Variants in TMEM120B observed in about 807,000 individuals in gnomAD.
TMEM120B encodes the protein transmembrane protein 120B.
A neutral mutation model predicts 55.5 loss-of-function variants in TMEM120B; 31 were observed. The ratio of observed to expected loss-of-function variants is 0.56; its 90% CI spans 0.42 to 0.75. The LOEUF (loss-of-function observed/expected upper bound fraction) is 0.75, where lower values mean the gene tolerates loss of function less well. Ranked by LOEUF, TMEM120B falls within the 30% of genes least tolerant of loss-of-function variation. The pLI, the probability that TMEM120B is intolerant of heterozygous loss-of-function variation, is 0.00. For synonymous variants in TMEM120B, 203 were observed against 176.3 expected, an observed-to-expected ratio of 1.15 and a Z score of -1.20; for missense variants, 399 against 425.5, an observed-to-expected ratio of 0.94 and a Z score of 0.55.
intron 6 of TMEM120B, among the ~76,000 whole-genome samples, chr12:121,770,417 T>C (rs1431862699): frequency 1.3e-5 from 2 of 152,088 alleles, no homozygotes; most frequent in African/African-American, 2.4e-5. Flanking sequence ...TCTAAGGTGC[T>C]GGGGGGCTCA....
At position 121,781,230 on chromosome 12, in the gene TMEM120B, C is replaced by T; in HGVS notation, c.*5508C>T. ...AGCAGCGGGGGTCAGGGGACGTCCCCTCCCTGTCTGGACTCTGACGGGTGA... is the reference window on the plus strand; with the variant it reads ...AGCAGCGGGGGTCAGGGGACGTCCCTTCCCTGTCTGGACTCTGACGGGTGA... On this transcript the variant is annotated 3_prime_UTR_variant, in exon 12 of 12. Transcript: ENST00000449592. The T allele has an allele frequency of 1.3e-6, 2 of 1,587,178 alleles. No individual in the cohort carries two copies. Among genetic ancestry groups the T allele is most frequent in the South Asian group, 2.2e-5 (2 of 90,020 alleles).
chr12:121,728,615 C>T (rs1039445985), intron 1 of TMEM120B, among the ~76,000 whole-genome samples: 3 of 152,206 alleles, frequency 2.0e-5, no homozygotes, highest in African/African-American at 7.2e-5. Flanking sequence ...CCACCGCGCC[C>T]GGCCGACACT....
rs181426764 is a variant in TMEM120B at position 121,725,774 on chromosome 12, C to T, written c.69+12810C>T. On this transcript the variant is annotated intron_variant, in intron 1 of 11. Transcript: ENST00000449592. ...AGACAGGGCCAGGCATGGTGCCTCA[C>T]GCCTGTAATCCCAGCACTCTGGGAG... 2.1e-4 allele frequency among the ~76,000 whole-genome samples: 32 copies of T among 152,258 alleles called. No individual in the cohort carries two copies. In the East Asian group the frequency reaches 5.8e-3, roughly 28 times the overall value.
intron 1 of TMEM120B, among the ~76,000 whole-genome samples, chr12:121,739,456 G>A (rs1314800212): frequency 6.6e-6 from 1 of 151,486 alleles, no homozygotes; most frequent in Non-Finnish European, 1.5e-5. Context: ...GTGCCAATCA[G>A]TCAAAAAGCC....
At position 121,775,281 on chromosome 12, in the gene TMEM120B, CTG is replaced by C; in HGVS notation, c.906+154_906+155del. On this transcript the variant is annotated intron_variant, in intron 11 of 11. Coordinates refer to ENST00000449592, the MANE Select transcript of TMEM120B (RefSeq NM_001080825.2). This position sits in a 1 kb window ranked among gnomAD's most constrained non-coding sequence, Gnocchi z 4.3. ...GGGGTGTGTGCGTGTGTGTGGTGTG[CTG>C]TGGGGAGGTTCCTGGGGCGGGCTGG... The C allele has an allele frequency of 1.0e-6, 1 of 980,726 alleles. No homozygotes were observed. Among genetic ancestry groups the C allele is most frequent in the East Asian group, 3.0e-5 (1 of 33,056 alleles). 60.8% of individuals were successfully genotyped at this position (980,726 alleles called of 1,614,324 possible).
chr12:121,751,425 A>G (rs978425218), intron 4 of TMEM120B, among the ~76,000 whole-genome samples: 4 of 125,758 alleles, frequency 3.2e-5, no homozygotes, highest in Admixed American at 2.6e-4. Context: ...ACCCTATCCT[A>G]CACCCCAACC....
chr12:121,713,232 G>GACC (rs1427387504), intron 1 of TMEM120B, among the ~76,000 whole-genome samples: 1 of 152,188 alleles, frequency 6.6e-6, no homozygotes, highest in Non-Finnish European at 1.5e-5. Context: ...GCTGCAGAAA[G>GACC]TTGGTCTGTG....
chr12:121,717,726 C>T (rs1394620835), intron 1 of TMEM120B, among the ~76,000 whole-genome samples: 1 of 152,226 alleles, frequency 6.6e-6, no homozygotes, highest in Non-Finnish European at 1.5e-5. Flanking sequence ...GGCTCGATCT[C>T]AGCTCACCAC....
At chr12:121,722,865 T>TG (rs1894821614) in intron 1 of TMEM120B, among the ~76,000 whole-genome samples, 1 of 135,550 alleles carries the variant, frequency 7.4e-6, no homozygotes, top group African/African-American at 2.9e-5. Context: ...TTTTTTTTTT[T>TG]GAGATGGAGT....
At chr12:121,774,501 C>T (rs1342766564) in intron 9 of TMEM120B, among the ~76,000 whole-genome samples, 157 bp from the exon 10 acceptor site, 1 of 152,142 alleles carries the variant, frequency 6.6e-6, no homozygotes, top group African/African-American at 2.4e-5. Flanking sequence ...ATAGTGAATG[C>T]CCACCCAGCT....
At chr12:121,771,067 G>A (rs1318196756) in intron 7 of TMEM120B, 95 bp downstream of exon 7, 2 of 1,363,462 alleles carry the variant, frequency 1.5e-6, no homozygotes, top group Non-Finnish European at 2.1e-6. Context: ...GCGGTGGGGG[G>A]TGTGCTCCAG....
chr12:121,766,850 G>A (rs1327332585), intron 6 of TMEM120B, among the ~76,000 whole-genome samples: 1 of 152,200 alleles, frequency 6.6e-6, no homozygotes, highest in Middle Eastern at 3.2e-3. Flanking sequence ...ATCATGTTTG[G>A]TTTTCTAGGG....
At chr12:121,762,565 A>C (rs1204280454) in intron 6 of TMEM120B, among the ~76,000 whole-genome samples, 2 of 152,218 alleles carry the variant, frequency 1.3e-5, no homozygotes, top group Non-Finnish European at 2.9e-5. Flanking sequence ...GTGACTGGCC[A>C]GGCTGGAGCC....
At position 121,761,684 on chromosome 12, in the gene TMEM120B, G is replaced by C; in HGVS notation, c.497G>C (p.Trp166Ser). The C allele has an allele frequency of 6.2e-7, 1 of 1,613,974 alleles. No individual in the cohort carries two copies. Among genetic ancestry groups the C allele is most frequent in the Non-Finnish European group, 8.5e-7 (1 of 1,179,966 alleles). Reference sequence around the variant, plus strand: ...GAAGTCTTCAACTTCCTGCTGGTGTGGTATTACTGCACCCTGACCATTCGG... The same window carrying C: ...GAAGTCTTCAACTTCCTGCTGGTGTCGTATTACTGCACCCTGACCATTCGG... ...TDEVFNFLLVWYYCTLTIRES... is the reference protein window; with the variant it reads ...TDEVFNFLLVSYYCTLTIRES... Residue 166 changes from tryptophan to serine, a missense_variant, in exon 6 of 12, where the codon TGG becomes TCG. By Grantham distance (177) the Trp-to-Ser change is radical (BLOSUM62 -3). Transcript: ENST00000449592.
intron 6 of TMEM120B, among the ~76,000 whole-genome samples, chr12:121,764,997 C>G (rs1349544333): frequency 6.6e-6 from 1 of 152,144 alleles, no homozygotes; most frequent in Non-Finnish European, 1.5e-5. Context: ...GCTCTACCCT[C>G]CATCTGCCAT....
At position 121,776,123 on chromosome 12, in the gene TMEM120B, C is replaced by T. The variant is rs1874238374; in HGVS notation, c.*401C>T. On this transcript the variant is annotated 3_prime_UTR_variant, in exon 12 of 12. Coordinates refer to ENST00000449592, the MANE Select transcript of TMEM120B (RefSeq NM_001080825.2). ...TATGCTGACCTGCTACTTACCAGGC[C>T]CAGGCTGGGGTGGTGTGAACCCTCA... The T allele has an allele frequency of 2.2e-6, 1 of 456,380 alleles. No individual in the cohort carries two copies. Among genetic ancestry groups the T allele is most frequent in the South Asian group, 4.1e-5 (1 of 24,656 alleles). 28.3% of individuals were successfully genotyped at this position (456,380 alleles called of 1,614,324 possible).
At position 121,779,641 on chromosome 12, in the gene TMEM120B, T is replaced by C. The variant is rs1874373467; in HGVS notation, c.*3919T>C. 6.2e-7 allele frequency: 1 copy of C among 1,613,936 alleles called. No homozygotes were observed. The highest frequency in any genetic ancestry group is 1.3e-5 in the African/African-American group (1 of 74,946). On this transcript the variant is annotated 3_prime_UTR_variant, in exon 12 of 12. Transcript: ENST00000449592. Reference sequence around the variant, plus strand: ...CATTCCAGGTAGAGAGCAGCTCGGATCTGTTCGCAGGCGCTCAGGCCCTGG... The same window carrying C: ...CATTCCAGGTAGAGAGCAGCTCGGACCTGTTCGCAGGCGCTCAGGCCCTGG...
At chr12:121,726,600 T>G (rs1894898958) in intron 1 of TMEM120B, among the ~76,000 whole-genome samples, 1 of 139,082 alleles carries the variant, frequency 7.2e-6, no homozygotes, top group African/African-American at 2.8e-5. Context: ...TAAAATAAAA[T>G]AATAATAATA....
chr12:121,750,021 A>G (rs1405198257), intron 3 of TMEM120B, among the ~76,000 whole-genome samples: 3 of 152,060 alleles, frequency 2.0e-5, no homozygotes, highest in Non-Finnish European at 2.9e-5. Context: ...TAATAATAAT[A>G]ATAATGAAAA....
Sources: gnomAD v4.1 joint callset for allele counts (sites outside exome capture counted in the v4.1 genomes callset) on GRCh38, gnomAD v4.1.1 for gene constraint, Gnocchi (gnomAD v3.1) non-coding constraint, MANE v1.5 for transcripts, NCBI Gene and HGNC (gene_info 2026-07-23, HGNC 2026-07-21) for gene names.